Variants in SPATA16 observed in about 807,000 individuals in gnomAD.
SPATA16 encodes spermatogenesis associated 16.
SPATA16 carries 36 observed loss-of-function variants against 63.3 expected under a neutral mutation model. The observed-to-expected ratio is 0.57, with a 90% CI of 0.44 to 0.75. The LOEUF is 0.75. Among genes scored for constraint, SPATA16 ranks in the 30% least tolerant of loss-of-function variants. The probability of loss-of-function intolerance (pLI) is 0.00; values close to 1 mark genes in which losing one functional copy is unlikely to be tolerated. For missense variants in SPATA16, 646 were observed against 679.3 expected, an observed-to-expected ratio of 0.95 and a Z score of 0.54; for synonymous variants, 203 against 216.7, an observed-to-expected ratio of 0.94 and a Z score of 0.56.
At chr3:173,121,795 GA>G (rs757013039) in intron 1 of SPATA16, among the ~76,000 whole-genome samples, 1 of 152,122 alleles carries the variant, frequency 6.6e-6, no homozygotes, top group African/African-American at 2.4e-5. Context: ...TTGTTTCTGA[GA>G]AATATTTCTG....
At chr3:172,949,952 A>G (rs9869997) in intron 6 of SPATA16, among the ~76,000 whole-genome samples, 13,303 of 152,168 alleles carry the variant, frequency 0.087, 1,943 homozygotes, top group African/African-American at 0.3. Flanking sequence ...TATGGATACA[A>G]TATCTACAAT....
chr3:173,035,799 A>C (rs1219423699), intron 3 of SPATA16, among the ~76,000 whole-genome samples: 1 of 152,040 alleles, frequency 6.6e-6, no homozygotes, highest in Non-Finnish European at 1.5e-5. Flanking sequence ...AATAATATTA[A>C]GAAATTATTT....
chr3:172,973,068 C>T (rs894198101), intron 5 of SPATA16, among the ~76,000 whole-genome samples: 1 of 152,098 alleles, frequency 6.6e-6, no homozygotes, highest in South Asian at 2.1e-4. Context: ...CAGGATTTTA[C>T]CCGTTATTGA....
intron 10 of SPATA16, among the ~76,000 whole-genome samples, chr3:172,896,620 T>C (rs986396955): frequency 1.1e-4 from 16 of 152,236 alleles, no homozygotes; most frequent in Admixed American, 3.9e-4. Flanking sequence ...TTTAGTATTG[T>C]CATTATTGCT....
intron 3 of SPATA16, among the ~76,000 whole-genome samples, chr3:173,042,017 T>G (rs1372421541): frequency 6.6e-6 from 1 of 152,130 alleles, no homozygotes; most frequent in African/African-American, 2.4e-5. Context: ...GCAAGAAATT[T>G]GCAAAATTCC....
intron 6 of SPATA16, among the ~76,000 whole-genome samples, chr3:172,938,443 G>A (rs1374474585): frequency 6.6e-6 from 1 of 152,118 alleles, no homozygotes; most frequent in Non-Finnish European, 1.5e-5. Context: ...GGACATTGAC[G>A]AGGATGAAAC....
chr3:173,127,159 C>T (rs1038397987), intron 1 of SPATA16, among the ~76,000 whole-genome samples: 1 of 152,196 alleles, frequency 6.6e-6, no homozygotes, highest in Admixed American at 6.5e-5. Flanking sequence ...TTATAATTCT[C>T]TTTCCCTAAT....
intron 4 of SPATA16, among the ~76,000 whole-genome samples, chr3:172,986,026 G>T (rs984005161): frequency 6.6e-6 from 1 of 152,146 alleles, no homozygotes; most frequent in Non-Finnish European, 1.5e-5. Context: ...GCCACAACCT[G>T]CCAGGCTTGT....
intron 2 of SPATA16, among the ~76,000 whole-genome samples, chr3:173,060,648 CT>C (rs1736354575): frequency 1.3e-5 from 2 of 152,082 alleles, no homozygotes; most frequent in Admixed American, 1.3e-4. Context: ...TTACTATTGC[CT>C]TATTTTACAG....
intron 3 of SPATA16, among the ~76,000 whole-genome samples, chr3:173,023,096 T>G (rs1199332064): frequency 6.6e-6 from 1 of 151,712 alleles, no homozygotes; most frequent in Non-Finnish European, 1.5e-5. Flanking sequence ...ACTTTAAAAT[T>G]TATCTTTTTT....
rs554922876 is a variant in SPATA16 at position 173,051,517 on chromosome 3, G to C, written c.613-2423C>G. On this transcript the variant is annotated intron_variant, in intron 2 of 10. Transcript: ENST00000351008. ...TGCCCAGCCAATTTTTGTATTTTCA[G>C]TACAGATGGGGTTTCACCATGTTGG... is the stretch of plus-strand genomic sequence containing the variant. Among the ~76,000 whole-genome samples the C allele has an allele frequency of 2.0e-5, 3 of 152,164 alleles. No individual in the cohort carries two copies. In the East Asian group the frequency reaches 5.8e-4, roughly 29 times the overall value.
At chr3:173,014,163 T>C (rs1041257149) in intron 4 of SPATA16, among the ~76,000 whole-genome samples, 1 of 152,154 alleles carries the variant, frequency 6.6e-6, no homozygotes, top group African/African-American at 2.4e-5. Context: ...TCCACAATAG[T>C]AAAGACATGG....
intron 2 of SPATA16, among the ~76,000 whole-genome samples, chr3:173,085,895 T>C (rs1317746189): frequency 6.6e-6 from 1 of 152,226 alleles, no homozygotes; most frequent in East Asian, 1.9e-4. Context: ...AGCTTTTTGA[T>C]GTGCTGCTGG....
chr3:173,012,748 A>G (rs1164035133), intron 4 of SPATA16, among the ~76,000 whole-genome samples: 2 of 152,198 alleles, frequency 1.3e-5, no homozygotes, highest in Non-Finnish European at 2.9e-5. Flanking sequence ...AAACTGGACC[A>G]CTACCTTTCA....
Position 173,117,545 on chromosome 3 carries a change from T to C in SPATA16, c.187A>G (p.Thr63Ala). 3.1e-6 allele frequency: 5 copies of C among 1,614,152 alleles called. No individual in the cohort carries two copies. The highest frequency in any genetic ancestry group is 1.6e-4 in the Middle Eastern group (1 of 6,062). The part of the protein sequence containing the change: ...GKQVEITLER[T>A]KMTKGIKEKQ... ...TCTTTGATGCCCTTTGTCATTTTTG[T>C]TCTTTCAAGTGTGATTTCTACCTGT... Residue 63 changes from threonine (T) to alanine (A), a missense_variant, in exon 2 of 11, where the codon ACA becomes GCA. Physicochemically the swap from Thr to Ala is moderately conservative, Grantham distance 58. Transcript: ENST00000351008.
At chr3:172,998,432 T>C (rs193180508) in intron 4 of SPATA16, among the ~76,000 whole-genome samples, 1 of 152,118 alleles carries the variant, frequency 6.6e-6, no homozygotes, top group East Asian at 1.9e-4. Flanking sequence ...GTTTCAGGAG[T>C]TTTCTGGCTG....
intron 4 of SPATA16, among the ~76,000 whole-genome samples, chr3:173,018,361 A>G (rs2108275739): frequency 6.8e-6 from 1 of 147,448 alleles, no homozygotes; most frequent in South Asian, 2.1e-4. Context: ...CACAACCTCT[A>G]CCTCCTGGGT....
chr3:172,957,941 G>A (rs1349276700), intron 5 of SPATA16, among the ~76,000 whole-genome samples: 1 of 152,152 alleles, frequency 6.6e-6, no homozygotes, highest in African/African-American at 2.4e-5. Flanking sequence ...TTGTAAAAGA[G>A]CAGCTTTGCA....
chr3:173,056,487 G>A (rs900198576), intron 2 of SPATA16, among the ~76,000 whole-genome samples: 1 of 152,046 alleles, frequency 6.6e-6, no homozygotes, highest in Non-Finnish European at 1.5e-5. Context: ...TGGATCGCCT[G>A]AGGTCAGGAA....
Sources: allele counts gnomAD v4.1 joint callset (sites outside exome capture counted in the v4.1 genomes callset), GRCh38; gene constraint gnomAD v4.1.1; transcripts MANE v1.5; gene names NCBI Gene and HGNC (gene_info 2026-07-23, HGNC 2026-07-21).